SP100: variants seen among roughly 807,000 people sequenced by gnomAD.
The protein encoded by SP100 is nuclear autoantigen Sp-100.
A neutral mutation model predicts 130.0 loss-of-function variants in SP100; 84 were observed. The observed-to-expected ratio is 0.65, with a 90% CI of 0.54 to 0.77. SP100 has a LOEUF of 0.77. Among genes scored for constraint, SP100 ranks in the 30% least tolerant of loss-of-function variants. The pLI is 0.00. For missense variants in SP100, 978 were observed against 1,052.2 expected (o/e 0.93, Z 0.97); for synonymous variants, 331 against 351.7 (o/e 0.94, Z 0.66).
At chr2:230,507,884 G>C in intron 22 of SP100, 109 bp from the exon 23 acceptor site, 1 of 910,204 alleles carries the variant, frequency 1.1e-6, no homozygotes. Flanking sequence ...TTGAATTTGA[G>C]TTAATAGTGG....
chr2:230,470,173 CG>C, intron 15 of SP100, 75 bp downstream of exon 15: 1 of 1,536,012 alleles, frequency 6.5e-7, no homozygotes, highest in Non-Finnish European at 8.8e-7. Flanking sequence ...TGTTTCCAGA[CG>C]CTTTTTATTC....
intron 2 of SP100, among the ~76,000 whole-genome samples, chr2:230,431,080 A>T (rs2063085591): frequency 6.6e-6 from 1 of 152,216 alleles, no homozygotes; most frequent in Non-Finnish European, 1.5e-5. Flanking sequence ...AAATAGGGCC[A>T]CCAGCTTGCC....
At chr2:230,515,336 T>A in intron 24 of SP100, 1 of 1,613,886 alleles carries the variant, frequency 6.2e-7, no homozygotes. Context: ...TTTTTCCTGT[T>A]CTGCTCTGAG....
At chr2:230,511,592 A>G (rs1354831467) in intron 24 of SP100, among the ~76,000 whole-genome samples, 2 of 152,336 alleles carry the variant, frequency 1.3e-5, no homozygotes, top group Admixed American at 6.5e-5. Flanking sequence ...TCAGTCAGCC[A>G]GAAGGAACAG....
rs763715500 is a variant in SP100 at position 230,469,031 on chromosome 2, T to A, written c.1292-12T>A. 7 of 1,557,110 alleles carry A rather than the reference T, an allele frequency of 4.5e-6. No homozygotes were observed. In the South Asian group the frequency reaches 8.0e-5, roughly 18 times the overall value. ...TTAGATATTATTGATTTGGTTTTCCTTTACTTTCTAGCTCCTATGACTTCT... is the reference window on the plus strand; with the variant it reads ...TTAGATATTATTGATTTGGTTTTCCATTACTTTCTAGCTCCTATGACTTCT... On this transcript the variant is annotated splice_polypyrimidine_tract_variant and intron_variant, in intron 13 of 28. Coordinates refer to ENST00000340126, the MANE Select transcript of SP100 (RefSeq NM_001080391.2).
At chr2:230,440,435 A>G (rs997178935) in intron 2 of SP100, 2 of 687,716 alleles carry the variant, frequency 2.9e-6, no homozygotes, top group African/African-American at 3.8e-5. Context: ...TAAATTTATT[A>G]TTTTTTAAAT....
chr2:230,513,923 T>C (rs925991220), intron 24 of SP100, among the ~76,000 whole-genome samples: 1 of 152,274 alleles, frequency 6.6e-6, no homozygotes, highest in African/African-American at 2.4e-5. Flanking sequence ...TGCACCAACC[T>C]AATATTATAA....
intron 9 of SP100, among the ~76,000 whole-genome samples, chr2:230,462,160 A>AAGT (rs1443746824): frequency 6.6e-6 from 1 of 151,992 alleles, no homozygotes; most frequent in Non-Finnish European, 1.5e-5. Flanking sequence ...GAAAGATGAG[A>AAGT]AGTAAAATGA....
chr2:230,436,916 G>GTATACACACGCATATATGTA (rs2063298013), intron 2 of SP100, among the ~76,000 whole-genome samples: 1 of 135,496 alleles, frequency 7.4e-6, no homozygotes, highest in Non-Finnish European at 1.6e-5. Context: ...GCATATATGT[G>GTATACACACGCATATATGTA]TATACACACA....
chr2:230,527,644 T>G (rs1691492850), intron 24 of SP100, among the ~76,000 whole-genome samples: 1 of 151,728 alleles, frequency 6.6e-6, no homozygotes, highest in Non-Finnish European at 1.5e-5. Flanking sequence ...TTGGATAGAG[T>G]CAAGATCCAT....
chr2:230,462,175 G>A (rs1308025346), intron 9 of SP100, among the ~76,000 whole-genome samples: 1 of 151,884 alleles, frequency 6.6e-6, no homozygotes, highest in African/African-American at 2.4e-5. Flanking sequence ...AAATGAGAGT[G>A]AAAGAAAAAA....
At position 230,427,389 on chromosome 2, in the gene SP100, C is replaced by T. The variant is rs188063969; in HGVS notation, c.107+9724C>T. Among the ~76,000 whole-genome samples, 251 of 152,044 alleles carry T rather than the reference C, an allele frequency of 1.7e-3. 4 individuals are homozygous for T. The highest frequency in any genetic ancestry group is 5.9e-3 in the African/African-American group (244 of 41,466). On this transcript the variant is annotated intron_variant, in intron 2 of 28. Transcript: ENST00000340126. ...GTTGGCCAGGCTGGTCTCGAGCTCC[C>T]GACCTCAAGTGATCATCCGCCTGGG... is the stretch of plus-strand genomic sequence containing the variant.
chr2:230,417,683 A>T lies in SP100; in HGVS notation c.107+18A>T, dbSNP rs906372556. 2 of 1,607,006 alleles carry T rather than the reference A, an allele frequency of 1.2e-6. No individual in the cohort carries two copies. Among genetic ancestry groups the T allele is most frequent in the East Asian group, 2.2e-5 (1 of 44,670 alleles). ...TTGCAAAGGTGATGAATGAAGAGTTATGTCTTGTTTTAATTTGTATTTTCC... is the reference window on the plus strand; with the variant it reads ...TTGCAAAGGTGATGAATGAAGAGTTTTGTCTTGTTTTAATTTGTATTTTCC... On this transcript the variant is annotated intron_variant, in intron 2 of 28. Coordinates refer to ENST00000340126, the MANE Select transcript of SP100 (RefSeq NM_001080391.2).
intron 2 of SP100, among the ~76,000 whole-genome samples, chr2:230,429,994 G>A (rs547413152): frequency 1.1e-4 from 17 of 152,226 alleles, no homozygotes; most frequent in South Asian, 1.0e-3. Flanking sequence ...GAGCATATTC[G>A]TTTATTTTAG....
intron 27 of SP100, 26 bp from the exon 28 acceptor site, chr2:230,541,866 C>T (rs765806870): frequency 6.2e-7 from 1 of 1,608,818 alleles, no homozygotes; most frequent in South Asian, 1.1e-5. Flanking sequence ...GGGCTGATAG[C>T]CTCATTTTGG....
rs925416558 is a variant in SP100, at chr2:230,528,348, A to C, written c.2095-10919A>C. ...TGAGTATGGGTAAATAACGAAATGA[A>C]GGCAGAAATAAATATGTTCTTTGAA... is the stretch of plus-strand genomic sequence containing the variant. On this transcript the variant is annotated intron_variant, in intron 24 of 28. Coordinates refer to ENST00000340126, the MANE Select transcript of SP100 (RefSeq NM_001080391.2). Among the ~76,000 whole-genome samples the C allele has an allele frequency of 5.1e-4, 77 of 152,360 alleles. 1 individual carries two copies. Among genetic ancestry groups the C allele is most frequent in the Middle Eastern group, 6.8e-3 (2 of 294 alleles).
chr2:230,515,860 G>A (rs1027772095), intron 24 of SP100: 3 of 1,291,760 alleles, frequency 2.3e-6, no homozygotes, highest in African/African-American at 1.5e-5. Flanking sequence ...GTACAGTATG[G>A]GGGTTGTAAA....
intron 2 of SP100, among the ~76,000 whole-genome samples, chr2:230,438,499 C>A (rs1294500808): frequency 6.6e-6 from 1 of 152,072 alleles, no homozygotes; most frequent in Non-Finnish European, 1.5e-5. Flanking sequence ...TAGCTTAACT[C>A]CCACTAATAA....
In SP100 at chr2:230,503,058, T is replaced by C. The variant is rs371739831; in HGVS notation, c.1721-8T>C. The stretch of plus-strand genomic sequence containing the variant: ...AGAGACATTTATGTTGTTTTTCAAC[T>C]TTCTCAGGAAGAAAAGCCAACACTA... On this transcript the variant is annotated splice_region_variant and splice_polypyrimidine_tract_variant and intron_variant, in intron 19 of 28. Transcript: ENST00000340126. 9 of 1,594,630 alleles carry C rather than the reference T, an allele frequency of 5.6e-6. No homozygotes were observed. The African/African-American group carries it at 8.1e-5, about 14-fold the overall frequency.
Sources: gnomAD v4.1 joint callset for allele counts (sites outside exome capture counted in the v4.1 genomes callset) on GRCh38, gnomAD v4.1.1 for gene constraint, MANE v1.5 for transcripts, NCBI Gene and HGNC (gene_info 2026-07-23, HGNC 2026-07-21) for gene names.